The following CRLS1 variants were observed in gnomAD, a reference collection of about 807,000 sequenced individuals.
CRLS1 encodes cardiolipin synthase 1.
CRLS1 carries 24 observed loss-of-function variants against 37.0 expected under a neutral mutation model. That is an observed-to-expected ratio of 0.65 (90% confidence interval 0.47 to 0.91). The LOEUF is 0.91. Among genes scored for constraint, CRLS1 ranks in the 40% least tolerant of loss-of-function variants. CRLS1 has a pLI of 0.00. For synonymous variants in CRLS1, 135 were observed against 159.7 expected, an observed-to-expected ratio of 0.85 and a Z score of 1.17; for missense variants, 373 against 395.8, an observed-to-expected ratio of 0.94 and a Z score of 0.49.
intron 2 of CRLS1, among the ~76,000 whole-genome samples, chr20:6,015,046 A>G (rs890814234): frequency 6.6e-6 from 1 of 152,194 alleles, no homozygotes; most frequent in Middle Eastern, 3.2e-3. Context: ...AGCTGTAAAT[A>G]CATCACTAAC....
intron 1 of CRLS1, 151 bp downstream of exon 1, chr20:6,006,703 G>T (rs945805072): frequency 3.3e-6 from 4 of 1,210,170 alleles, no homozygotes; most frequent in Non-Finnish European, 4.1e-6. Context: ...CAGGTCATTC[G>T]GTCGGGATGA....
upstream of CRLS1, chr20:6,006,061 G>A (rs1182231709): frequency 1.4e-5 from 5 of 368,268 alleles, no homozygotes; most frequent in Non-Finnish European, 2.4e-5. Flanking sequence ...CGTCGCGAAG[G>A]CGTCCGCCCT....
In CRLS1 at chr20:6,007,997, C is replaced by T. The variant is rs780445233; in HGVS notation, c.306+1445C>T. Among the ~76,000 whole-genome samples, 4 of 152,110 alleles carry T rather than the reference C, an allele frequency of 2.6e-5. No homozygotes were observed. The South Asian group carries it at 8.3e-4, about 32-fold the overall frequency. On this transcript the variant is annotated intron_variant, in intron 1 of 6. Transcript: ENST00000378863. Reference sequence around the variant, plus strand: ...TCAATGACAGTATTCTGCCACCTGACCCCAGCAATAACTATTTAATTATCC... The same window carrying T: ...TCAATGACAGTATTCTGCCACCTGATCCCAGCAATAACTATTTAATTATCC...
chr20:6,006,404 C>A lies in CRLS1; in HGVS notation c.158C>A (p.Pro53Gln). 1 of 1,408,288 alleles carries A rather than the reference C, an allele frequency of 7.1e-7. No individual in the cohort carries two copies. Among genetic ancestry groups the A allele is most frequent in the Non-Finnish European group, 9.3e-7 (1 of 1,079,814 alleles). 87.2% of individuals were successfully genotyped at this position (1,408,288 alleles called of 1,614,324 possible). A position where few individuals can be genotyped will look rare whatever the true frequency, so the allele number is the denominator to read the frequency against. Residue 53 changes from proline to glutamine, a missense_variant, in exon 1 of 7, where the codon CCG becomes CAG. Physicochemically the swap from Pro to Gln is moderately conservative, Grantham distance 76. Transcript: ENST00000378863. ...GCLAERWRLRPAALGLRLPGI... is the reference protein window; with the variant it reads ...GCLAERWRLRQAALGLRLPGI... The stretch of plus-strand genomic sequence containing the variant: ...CTGGCCGAACGCTGGAGGCTGCGTC[C>A]GGCCGCTCTTGGCTTGCGGCTGCCC...
In CRLS1 at chr20:6,006,466, A is replaced by T; in HGVS notation, c.220A>T (p.Lys74Ter). ...GCGGAACCACTGTTCGGGCGCGGGG[A>T]AGGCGGCTCCCAGGCCAGCGGCCGG... ...GQRNHCSGAG[K>*]AAPRPAAGAG... Residue 74 changes from lysine (K) to a stop codon, truncating the protein, a stop_gained, in exon 1 of 7, where the codon AAG becomes TAG. Coordinates refer to ENST00000378863, the MANE Select transcript of CRLS1 (RefSeq NM_019095.6). LOFTEE classifies it high-confidence loss of function. The T allele has an allele frequency of 7.1e-7, 1 of 1,401,348 alleles. No homozygotes were observed. Among genetic ancestry groups the T allele is most frequent in the Non-Finnish European group, 9.3e-7 (1 of 1,079,976 alleles). 86.8% of individuals were successfully genotyped at this position (1,401,348 alleles called of 1,614,324 possible).
At chr20:6,025,184 T>A (rs558851746) in intron 3 of CRLS1, among the ~76,000 whole-genome samples, 1 of 152,218 alleles carries the variant, frequency 6.6e-6, no homozygotes, top group Non-Finnish European at 1.5e-5. Context: ...GGTCAGTGCA[T>A]GGGCTTGAAA....
chr20:6,035,958 C>A (rs539638580), intron 6 of CRLS1, among the ~76,000 whole-genome samples: 2 of 152,198 alleles, frequency 1.3e-5, no homozygotes, highest in Admixed American at 1.3e-4. Flanking sequence ...GCGCCCACCA[C>A]CATACCTGGC....
intron 5 of CRLS1, among the ~76,000 whole-genome samples, chr20:6,032,867 A>C (rs573198203): frequency 7.3e-4 from 111 of 152,204 alleles, no homozygotes; most frequent in Non-Finnish European, 1.4e-3. Context: ...GCTTCTATAC[A>C]GAACTCCCTG....
chr20:6,033,424 C>T (rs532833353), intron 5 of CRLS1, among the ~76,000 whole-genome samples: 1 of 152,328 alleles, frequency 6.6e-6, no homozygotes, highest in South Asian at 2.1e-4. Context: ...GCGTGAGCCA[C>T]TGCGCCTGGC....
chr20:6,009,992 G>A, intron 2 of CRLS1, 80 bp downstream of exon 2: 3 of 1,338,502 alleles, frequency 2.2e-6, no homozygotes. Context: ...CATAGCCTTA[G>A]CCTGCTTTTC....
intron 2 of CRLS1, among the ~76,000 whole-genome samples, chr20:6,011,472 A>G (rs1335669238): frequency 6.6e-6 from 1 of 150,500 alleles, no homozygotes; most frequent in Non-Finnish European, 1.5e-5. Context: ...ATAGCCTCCC[A>G]AATTGGCTTT....
chr20:6,032,408 A>G (rs1238879629), intron 5 of CRLS1, among the ~76,000 whole-genome samples: 1 of 140,938 alleles, frequency 7.1e-6, no homozygotes, highest in Non-Finnish European at 1.5e-5. Flanking sequence ...TTTGTTGCCC[A>G]GGCTGGTATG....
At position 6,038,865 on chromosome 20, in the gene CRLS1, T is replaced by C. The variant is rs913878007; in HGVS notation, c.*1707T>C. ...TTTATTATTAAGGTCTCAATCTGGC[T>C]CTGGTTAATAAACGTTTCCCGCTTC... On this transcript the variant is annotated 3_prime_UTR_variant, in exon 7 of 7. Coordinates refer to ENST00000378863, the MANE Select transcript of CRLS1 (RefSeq NM_019095.6). 6.6e-6 allele frequency: 1 copy of C among 152,226 alleles called. No homozygotes were observed. Among genetic ancestry groups the C allele is most frequent in the Non-Finnish European group, 1.5e-5 (1 of 68,034 alleles). The allele number at this position is 152,226 out of a possible 1,614,324, so 9.4% of individuals were successfully genotyped here.
At chr20:6,011,515 A>G (rs1256124179) in intron 2 of CRLS1, among the ~76,000 whole-genome samples, 1 of 142,364 alleles carries the variant, frequency 7.0e-6, no homozygotes, top group African/African-American at 2.6e-5. Flanking sequence ...GCGTCTACTA[A>G]TATTTGTCAC....
At chr20:6,007,444 C>G in intron 1 of CRLS1, 1 of 1,603,808 alleles carries the variant, frequency 6.2e-7, no homozygotes, top group Middle Eastern at 1.7e-4. Context: ...ATTAGCTCTC[C>G]TAACATTAAC....
intron 6 of CRLS1, 60 bp from the exon 7 acceptor site, chr20:6,037,014 C>A: frequency 2.6e-6 from 3 of 1,155,880 alleles, no homozygotes; most frequent in Non-Finnish European, 3.9e-6. Context: ...CATTATGATT[C>A]CCGTTGCTAC....
At chr20:6,027,170 G>A (rs892391220) in intron 3 of CRLS1, among the ~76,000 whole-genome samples, 3 of 146,470 alleles carry the variant, frequency 2.0e-5, no homozygotes, top group South Asian at 2.2e-4. Flanking sequence ...TGCAACCCCC[G>A]CCTCCCGGGT....
intron 3 of CRLS1, chr20:6,031,025 G>A: frequency 5.9e-6 from 2 of 337,028 alleles, no homozygotes; most frequent in South Asian, 2.0e-4. Flanking sequence ...CAGATGAGAA[G>A]ATCAGCATAC....
intron 3 of CRLS1, among the ~76,000 whole-genome samples, chr20:6,023,083 CTTT>C (rs1979403576): frequency 6.6e-6 from 1 of 151,956 alleles, no homozygotes; most frequent in Non-Finnish European, 1.5e-5. Flanking sequence ...CTATTTTATT[CTTT>C]TTTGGACTTG....
Sources: gnomAD v4.1 joint callset for allele counts (sites outside exome capture counted in the v4.1 genomes callset) on GRCh38, gnomAD v4.1.1 for gene constraint, MANE v1.5 for transcripts, NCBI Gene and HGNC (gene_info 2026-07-23, HGNC 2026-07-21) for gene names.